GRIK4: variants seen among roughly 807,000 people sequenced by gnomAD.
The protein encoded by GRIK4 is glutamate receptor ionotropic, kainate 4.
In GRIK4, 40 loss-of-function variants were observed where a neutral mutation model predicts 104.9. The observed-to-expected ratio is 0.38, with a 90% CI of 0.30 to 0.50. The LOEUF is 0.50. GRIK4 is among the 20% of genes least tolerant of loss of function. The probability of loss-of-function intolerance (pLI) is 0.93; values close to 1 mark genes in which losing one functional copy is unlikely to be tolerated. For missense variants in GRIK4, 1,047 were observed against 1,308.1 expected, an observed-to-expected ratio of 0.80 and a Z score of 3.08; for synonymous variants, 485 against 524.9, an observed-to-expected ratio of 0.92 and a Z score of 1.04.
At chr11:120,662,075 G>A (rs887669740) in intron 3 of GRIK4, among the ~76,000 whole-genome samples, 1 of 152,204 alleles carries the variant, frequency 6.6e-6, no homozygotes, top group East Asian at 1.9e-4. Context: ...AAGCGGAAAG[G>A]GATTGAGCCA....
At chr11:120,706,006 T>C (rs1950623875) in intron 3 of GRIK4, among the ~76,000 whole-genome samples, 1 of 152,190 alleles carries the variant, frequency 6.6e-6, no homozygotes, top group Non-Finnish European at 1.5e-5. Context: ...CACTCCGGCA[T>C]ATCACCCTAA....
At chr11:120,760,918 C>T (rs972177660) in intron 3 of GRIK4, among the ~76,000 whole-genome samples, 3 of 151,962 alleles carry the variant, frequency 2.0e-5, no homozygotes, top group Non-Finnish European at 4.4e-5. Flanking sequence ...TATGTGTGCA[C>T]GTATCTTTAG....
intron 1 of GRIK4, among the ~76,000 whole-genome samples, chr11:120,568,041 G>A (rs1948352476): frequency 1.3e-5 from 2 of 152,156 alleles, no homozygotes; most frequent in African/African-American, 4.8e-5. Flanking sequence ...AGCTGGGCAT[G>A]GTGGTGCCTG....
chr11:120,698,981 C>A (rs1456954438), intron 3 of GRIK4, among the ~76,000 whole-genome samples: 2 of 152,206 alleles, frequency 1.3e-5, no homozygotes, highest in Non-Finnish European at 2.9e-5. Context: ...CTCTCCCTGC[C>A]ATAATTGTTA....
At chr11:120,964,200 C>T (rs1358775502) in intron 18 of GRIK4, among the ~76,000 whole-genome samples, 1 of 152,024 alleles carries the variant, frequency 6.6e-6, no homozygotes. Flanking sequence ...CCATGTTGGC[C>T]AGGCTGGTCT....
chr11:120,966,782 A>G (rs139352079), intron 18 of GRIK4, among the ~76,000 whole-genome samples: 49 of 152,250 alleles, frequency 3.2e-4, no homozygotes, highest in African/African-American at 1.1e-3. Context: ...CTTTGCAGCC[A>G]GCGTCCTGTG....
intron 3 of GRIK4, among the ~76,000 whole-genome samples, chr11:120,747,411 G>A (rs1454024415): frequency 6.6e-6 from 1 of 152,188 alleles, no homozygotes; most frequent in Non-Finnish European, 1.5e-5. Flanking sequence ...GCTAGGGTGT[G>A]TGACAAACCG....
chr11:120,743,187 G>A (rs992906565), intron 3 of GRIK4, among the ~76,000 whole-genome samples: 11 of 150,254 alleles, frequency 7.3e-5, no homozygotes, highest in East Asian at 3.9e-4. Context: ...CAGAGATGAC[G>A]CCACTGCACT....
intron 3 of GRIK4, among the ~76,000 whole-genome samples, chr11:120,678,673 A>G (rs1309339837): frequency 6.6e-6 from 1 of 151,358 alleles, no homozygotes; most frequent in East Asian, 1.9e-4. Flanking sequence ...TTGCTCCGTC[A>G]TCCAGGCTGG....
chr11:120,945,380 G>A (rs1042776915), intron 14 of GRIK4, among the ~76,000 whole-genome samples: 1 of 152,162 alleles, frequency 6.6e-6, no homozygotes, highest in Non-Finnish European at 1.5e-5. Flanking sequence ...ATCCTCCGAT[G>A]GGAGGTATAT....
At chr11:120,892,596 C>T (rs1955336620) in intron 11 of GRIK4, among the ~76,000 whole-genome samples, 2 of 152,106 alleles carry the variant, frequency 1.3e-5, no homozygotes, top group South Asian at 2.1e-4. Context: ...ACACTGCAGC[C>T]TCTGTCAGGA....
intron 6 of GRIK4, among the ~76,000 whole-genome samples, chr11:120,823,124 G>A (rs185777357): frequency 6.3e-4 from 96 of 152,300 alleles, no homozygotes; most frequent in Non-Finnish European, 1.0e-3. Flanking sequence ...GAGGGTATCC[G>A]CAAATGTCTC....
intron 13 of GRIK4, among the ~76,000 whole-genome samples, chr11:120,935,324 G>A (rs1351029727): frequency 1.3e-5 from 2 of 152,158 alleles, no homozygotes; most frequent in Non-Finnish European, 2.9e-5. Context: ...GCCAAGGCAG[G>A]TGGATCACCT....
intron 11 of GRIK4, among the ~76,000 whole-genome samples, chr11:120,883,895 C>G (rs1464289655): frequency 6.6e-6 from 1 of 152,218 alleles, no homozygotes; most frequent in South Asian, 2.1e-4. Flanking sequence ...CCTGGAAGAG[C>G]TGGAAGAGGC....
chr11:120,582,847 GA>G (rs1265298874), intron 1 of GRIK4, among the ~76,000 whole-genome samples: 1 of 152,188 alleles, frequency 6.6e-6, no homozygotes, highest in East Asian at 1.9e-4. Context: ...CTTTATGGTA[GA>G]AAAATGTATA....
chr11:120,884,481 C>T (rs372015345), intron 11 of GRIK4, among the ~76,000 whole-genome samples: 1 of 152,240 alleles, frequency 6.6e-6, no homozygotes, highest in Admixed American at 6.5e-5. Context: ...GCCAGCCAGG[C>T]GGGGTGCACA....
At chr11:120,570,938 T>G (rs4938815) in intron 1 of GRIK4, among the ~76,000 whole-genome samples, 37,853 of 152,196 alleles carry the variant, frequency 0.25, 5,986 homozygotes, top group Admixed American at 0.44. Context: ...TGTTCTGAAG[T>G]TGGTAACTGC....
intron 3 of GRIK4, among the ~76,000 whole-genome samples, chr11:120,671,612 T>C (rs913401051): frequency 1.3e-5 from 2 of 152,274 alleles, no homozygotes; most frequent in Non-Finnish European, 2.9e-5. Context: ...AAGTTCCTTG[T>C]AGATTCTGGA....
At chr11:120,820,257 C>A (rs768206207) in intron 6 of GRIK4, among the ~76,000 whole-genome samples, 1 of 152,084 alleles carries the variant, frequency 6.6e-6, no homozygotes, top group Non-Finnish European at 1.5e-5. Flanking sequence ...AACCGCCAAG[C>A]CTTTTTGCAT....
Sources: allele counts gnomAD v4.1 joint callset (sites outside exome capture counted in the v4.1 genomes callset), GRCh38; gene constraint gnomAD v4.1.1; transcripts MANE v1.5; gene names NCBI Gene and HGNC (gene_info 2026-07-23, HGNC 2026-07-21).